Variants in RIMS4 observed in about 807,000 individuals in gnomAD.
RIMS4 encodes the protein regulating synaptic membrane exocytosis 4.
Under a neutral mutation model 29.0 loss-of-function variants are expected in RIMS4, and 9 were observed. The observed-to-expected ratio is 0.31, with a 90% CI of 0.19 to 0.54. The LOEUF is 0.54. Among genes scored for constraint, RIMS4 ranks in the 20% least tolerant of loss-of-function variants. The probability of loss-of-function intolerance (pLI) is 0.94; values close to 1 mark genes in which losing one functional copy is unlikely to be tolerated. For synonymous variants in RIMS4, 130 were observed against 152.9 expected (o/e 0.85, Z 1.10); for missense variants, 193 against 365.7 (o/e 0.53, Z 3.85).
chr20:44,802,425 T>C (rs866219051), intron 1 of RIMS4, among the ~76,000 whole-genome samples: 4 of 152,166 alleles, frequency 2.6e-5, no homozygotes, highest in Middle Eastern at 3.2e-3. Context: ...GAAGTGGCAG[T>C]CAAGATGAAA....
intron 1 of RIMS4, among the ~76,000 whole-genome samples, chr20:44,776,716 C>T (rs540548573): frequency 4.3e-4 from 65 of 152,276 alleles, no homozygotes; most frequent in South Asian, 2.5e-3. Context: ...CTGGGACACA[C>T]GGTCAGCCCT....
rs929050705 is a variant in RIMS4 at position 44,752,011 on chromosome 20, C to A, written c.*4123G>T. The A allele has an allele frequency of 1.3e-5, 2 of 152,256 alleles. No individual in the cohort carries two copies. The highest frequency in any genetic ancestry group is 1.3e-4 in the Admixed American group (2 of 15,276). 9.4% of individuals were successfully genotyped at this position (152,256 alleles called of 1,614,324 possible). ...AAGGACCCAGGCTCCTGCCTTCCCA[C>A]CACCCGTCCAGGAAGCAGTCATAAA... On this transcript the variant is annotated 3_prime_UTR_variant, in exon 6 of 6. Transcript: ENST00000372851.
rs76043978 is a variant in RIMS4, at chr20:44,800,303, A to G, written c.97+9872T>C. 3.0e-4 allele frequency among the ~76,000 whole-genome samples: 46 copies of G among 152,148 alleles called. No individual in the cohort carries two copies. In the East Asian group the frequency reaches 8.3e-3, roughly 28 times the overall value. ...GACTGGATAGCTGAGTAGAAGGGAG[A>G]TGCCATTTCTTTGGATGTCCTCTGG... On this transcript the variant is annotated intron_variant, in intron 1 of 5. Coordinates refer to ENST00000372851, the MANE Select transcript of RIMS4 (RefSeq NM_182970.4).
intron 2 of RIMS4, among the ~76,000 whole-genome samples, chr20:44,759,418 C>T (rs764647609): frequency 1.3e-5 from 2 of 152,010 alleles, no homozygotes; most frequent in African/African-American, 2.4e-5. Context: ...CCACCACGCC[C>T]GGCCAATTTT....
chr20:44,797,037 C>T (rs1292838761), intron 1 of RIMS4, among the ~76,000 whole-genome samples: 1 of 152,228 alleles, frequency 6.6e-6, no homozygotes, highest in East Asian at 1.9e-4. Flanking sequence ...CCACCCATGG[C>T]AGGCTGGAAA....
At chr20:44,765,041 A>C (rs1267280888) in intron 2 of RIMS4, among the ~76,000 whole-genome samples, 1 of 152,182 alleles carries the variant, frequency 6.6e-6, no homozygotes, top group Non-Finnish European at 1.5e-5. Context: ...GATCCATTTA[A>C]TCCTCTTAAC....
intron 2 of RIMS4, 128 bp from the exon 3 acceptor site, chr20:44,758,312 C>T (rs866813644): frequency 1.5e-5 from 10 of 651,800 alleles, no homozygotes; most frequent in Middle Eastern, 2.5e-4. Context: ...ATAAGGTTTA[C>T]CCAGTATCTG....
chr20:44,771,323 C>T lies in RIMS4; in HGVS notation c.188G>A (p.Ser63Asn). Residue 63 changes from serine (S) to asparagine (N), a missense_variant, in exon 2 of 6, where the codon AGC becomes AAC. Ser to Asn is a conservative substitution (Grantham distance 46). Coordinates refer to ENST00000372851, the MANE Select transcript of RIMS4 (RefSeq NM_182970.4). ...EMPSRTLRQA[S>N]HESIEDSMNS... ...CATGCTGTCCTCAATGGACTCGTGG[C>T]TGGCCTGGCGCAGTGTCCGGCTGGG... is the stretch of plus-strand genomic sequence containing the variant. 1 of 1,613,994 alleles carries T rather than the reference C, an allele frequency of 6.2e-7. No homozygotes were observed.
chr20:44,808,412 G>A (rs1395144523), intron 1 of RIMS4, among the ~76,000 whole-genome samples: 1 of 152,104 alleles, frequency 6.6e-6, no homozygotes, highest in Non-Finnish European at 1.5e-5. Flanking sequence ...AAACTAAACC[G>A]CTCCTGCCTC....
chr20:44,809,479 G>A (rs970311380), intron 1 of RIMS4, among the ~76,000 whole-genome samples: 1 of 152,054 alleles, frequency 6.6e-6, no homozygotes, highest in African/African-American at 2.4e-5. Flanking sequence ...CGACTCCAGG[G>A]ACAAGAGCAC....
chr20:44,807,889 C>T (rs1341958350), intron 1 of RIMS4, among the ~76,000 whole-genome samples: 5 of 152,088 alleles, frequency 3.3e-5, no homozygotes, highest in Non-Finnish European at 4.4e-5. Context: ...CCAAACCAAA[C>T]TCTTGGTCGC....
chr20:44,758,214 A>C (rs970873846), intron 2 of RIMS4, 30 bp from the exon 3 acceptor site: 1 of 1,511,924 alleles, frequency 6.6e-7, no homozygotes, highest in South Asian at 1.2e-5. Context: ...GACAAAGCAC[A>C]CATTCCCAGT....
intron 3 of RIMS4, 72 bp from the exon 4 acceptor site, chr20:44,757,843 T>C: frequency 7.3e-7 from 1 of 1,370,176 alleles, no homozygotes; most frequent in Non-Finnish European, 1.0e-6. Context: ...CTCTTCTCCT[T>C]TACTTAGGGC....
chr20:44,781,917 C>G (rs1050566148), intron 1 of RIMS4, among the ~76,000 whole-genome samples: 1 of 152,318 alleles, frequency 6.6e-6, no homozygotes, highest in South Asian at 2.1e-4. Context: ...CAAACCTATA[C>G]TACAAGTCTG....
chr20:44,775,151 T>C (rs2066154388), intron 1 of RIMS4, among the ~76,000 whole-genome samples: 1 of 152,144 alleles, frequency 6.6e-6, no homozygotes, highest in African/African-American at 2.4e-5. Flanking sequence ...CGCTTCTAAG[T>C]GCTGCACCTG....
At chr20:44,767,764 A>C (rs1206009511) in intron 2 of RIMS4, among the ~76,000 whole-genome samples, 3 of 152,214 alleles carry the variant, frequency 2.0e-5, no homozygotes, top group Non-Finnish European at 4.4e-5. Context: ...TGTTGTGACA[A>C]TTAAATGAGT....
chr20:44,791,193 ACCC>A (rs34093750), intron 1 of RIMS4, among the ~76,000 whole-genome samples: 1 of 152,144 alleles, frequency 6.6e-6, no homozygotes, highest in African/African-American at 2.4e-5. Flanking sequence ...ACGCGCACAC[ACCC>A]CCTAGAGAGA....
At chr20:44,773,564 T>A (rs1405443972) in intron 1 of RIMS4, among the ~76,000 whole-genome samples, 1 of 151,502 alleles carries the variant, frequency 6.6e-6, no homozygotes, top group Non-Finnish European at 1.5e-5. Context: ...CACACCTGCC[T>A]CGGCTCCCTC....
rs537814967 is a variant in RIMS4, at chr20:44,753,853, C to A, written c.*2281G>T. On this transcript the variant is annotated 3_prime_UTR_variant, in exon 6 of 6. Coordinates refer to ENST00000372851, the MANE Select transcript of RIMS4 (RefSeq NM_182970.4). ...CAAACAAGAAAATCATTGAGGGGGC[C>A]CTCACTGACCACCCCCAGGTGTTGT... The A allele has an allele frequency of 1.3e-5, 2 of 152,634 alleles. No individual in the cohort carries two copies. Among genetic ancestry groups the A allele is most frequent in the Non-Finnish European group, 2.9e-5 (2 of 68,092 alleles). The allele number at this position is 152,634 out of a possible 1,614,324, so 9.5% of individuals were successfully genotyped here. A position where few individuals can be genotyped will look rare whatever the true frequency, so the allele number is the denominator to read the frequency against.
Sources: gnomAD v4.1 joint callset for allele counts (sites outside exome capture counted in the v4.1 genomes callset) on GRCh38, gnomAD v4.1.1 for gene constraint, MANE v1.5 for transcripts, NCBI Gene and HGNC (gene_info 2026-07-23, HGNC 2026-07-21) for gene names.